Variants in GRB14 observed in about 807,000 individuals in gnomAD.
The protein encoded by GRB14 is growth factor receptor bound protein 14, also known as growth factor receptor-bound protein 14.
Under a neutral mutation model 69.1 loss-of-function variants are expected in GRB14, and 38 were observed. The observed-to-expected ratio is 0.55, with a 90% CI of 0.42 to 0.72. The LOEUF is 0.72. GRB14 is among the 30% of genes least tolerant of loss of function. GRB14 has a pLI of 0.00. For synonymous variants in GRB14, 247 were observed against 241.3 expected (o/e 1.02, Z -0.22); for missense variants, 666 against 666.1 (o/e 1.00, Z 0.00).
At chr2:164,514,695 G>A (rs1207824814) in intron 6 of GRB14, among the ~76,000 whole-genome samples, 3 of 152,100 alleles carry the variant, frequency 2.0e-5, no homozygotes, top group African/African-American at 7.2e-5. Context: ...TTCCTAGACA[G>A]AACCTGGGGG....
At chr2:164,536,353 G>A (rs1200306784) in intron 3 of GRB14, among the ~76,000 whole-genome samples, 1 of 152,016 alleles carries the variant, frequency 6.6e-6, no homozygotes, top group Non-Finnish European at 1.5e-5. Flanking sequence ...GTCCAACTTG[G>A]GGCTTCAGAA....
intron 6 of GRB14, among the ~76,000 whole-genome samples, chr2:164,511,512 G>T (rs1559027046): frequency 6.6e-6 from 1 of 152,154 alleles, no homozygotes; most frequent in African/African-American, 2.4e-5. Context: ...TGAGCCAGAA[G>T]GGAACCCACT....
chr2:164,500,504 G>C (rs891379602), intron 9 of GRB14, among the ~76,000 whole-genome samples: 1 of 152,124 alleles, frequency 6.6e-6, no homozygotes, highest in Non-Finnish European at 1.5e-5. Context: ...GGCTGGTAAA[G>C]AGTACTGGCA....
intron 9 of GRB14, among the ~76,000 whole-genome samples, chr2:164,499,536 G>A (rs1297773294): frequency 1.3e-5 from 2 of 152,106 alleles, no homozygotes; most frequent in African/African-American, 4.8e-5. Flanking sequence ...ATAACATTCA[G>A]AATTGGTTAT....
chr2:164,545,683 G>A (rs1688355770), intron 3 of GRB14, among the ~76,000 whole-genome samples: 1 of 152,160 alleles, frequency 6.6e-6, no homozygotes, highest in Admixed American at 6.6e-5. Flanking sequence ...GCAACCACAG[G>A]AAACTAATAA....
intron 1 of GRB14, chr2:164,620,025 T>G: frequency 3.3e-6 from 1 of 301,398 alleles, no homozygotes; most frequent in Non-Finnish European, 6.0e-6. Flanking sequence ...TCTCCTATAG[T>G]TCCTCTCTTT....
At chr2:164,527,806 A>C (rs1687820658) in intron 3 of GRB14, among the ~76,000 whole-genome samples, 1 of 152,060 alleles carries the variant, frequency 6.6e-6, no homozygotes, top group Non-Finnish European at 1.5e-5. Flanking sequence ...CAGAAAAGGC[A>C]CTTAAATGAA....
At chr2:164,507,524 A>G (rs1687223168) in intron 8 of GRB14, among the ~76,000 whole-genome samples, 1 of 152,228 alleles carries the variant, frequency 6.6e-6, no homozygotes, top group Admixed American at 6.5e-5. Flanking sequence ...TTGGCAAATT[A>G]TATTAGTGCC....
chr2:164,607,214 A>G (rs1205532751), intron 2 of GRB14, among the ~76,000 whole-genome samples: 2 of 152,214 alleles, frequency 1.3e-5, no homozygotes. Context: ...TTAAAATATC[A>G]GTACGTTTCC....
At chr2:164,606,830 C>A (rs1220858556) in intron 2 of GRB14, among the ~76,000 whole-genome samples, 3 of 152,160 alleles carry the variant, frequency 2.0e-5, no homozygotes, top group African/African-American at 7.2e-5. Context: ...ACCAAAGTAG[C>A]CCTTTCATCT....
At chr2:164,502,107 A>G (rs1019556554) in intron 9 of GRB14, 148 bp downstream of exon 9, 1 of 434,716 alleles carries the variant, frequency 2.3e-6, no homozygotes, top group South Asian at 6.8e-5. Flanking sequence ...AAAAAATTCA[A>G]TGTAACATTA....
chr2:164,619,478 G>A (rs996257094), intron 2 of GRB14, among the ~76,000 whole-genome samples: 7 of 152,184 alleles, frequency 4.6e-5, no homozygotes, highest in East Asian at 1.9e-4. Context: ...CAAGACCCTC[G>A]GAGGTAGGTT....
In GRB14 at chr2:164,508,789, C is replaced by G; in HGVS notation, c.880G>C (p.Gly294Arg). The part of the protein sequence containing the change: ...GNSDIYVSLA[G>R]KKKHGAPTNY... ...GTCGGTGCTCCATGTTTTTTTTTGCCTGCCAGTGACACATAAATATCACTA... is the reference window on the plus strand; with the variant it reads ...GTCGGTGCTCCATGTTTTTTTTTGCGTGCCAGTGACACATAAATATCACTA... Residue 294 changes from glycine to arginine, a missense_variant, in exon 7 of 14, where the codon GGC (glycine) becomes CGC (arginine). Coordinates refer to ENST00000263915, the MANE Select transcript of GRB14 (RefSeq NM_004490.3). 2 of 1,586,674 alleles carry G rather than the reference C, an allele frequency of 1.3e-6. No individual in the cohort carries two copies. Among genetic ancestry groups the G allele is most frequent in the Non-Finnish European group, 1.7e-6 (2 of 1,171,362 alleles).
chr2:164,615,354 G>A (rs965153761), intron 2 of GRB14, among the ~76,000 whole-genome samples: 3 of 152,076 alleles, frequency 2.0e-5, no homozygotes, highest in Non-Finnish European at 2.9e-5. Flanking sequence ...AAGAAAAAAC[G>A]TAGTTACATT....
intron 2 of GRB14, among the ~76,000 whole-genome samples, chr2:164,571,991 T>C (rs1689134922): frequency 6.6e-6 from 1 of 152,210 alleles, no homozygotes; most frequent in Non-Finnish European, 1.5e-5. Flanking sequence ...TTTATAAATA[T>C]GTATTGAAGA....
chr2:164,544,290 T>C (rs1329989437), intron 3 of GRB14, among the ~76,000 whole-genome samples: 1 of 152,154 alleles, frequency 6.6e-6, no homozygotes, highest in Non-Finnish European at 1.5e-5. Context: ...TTTTATTCCT[T>C]AATACAAATA....
intron 6 of GRB14, among the ~76,000 whole-genome samples, chr2:164,513,684 G>A (rs1687400265): frequency 6.6e-6 from 1 of 152,172 alleles, no homozygotes; most frequent in African/African-American, 2.4e-5. Flanking sequence ...GCAAGATTTA[G>A]CAGACTATAT....
At chr2:164,552,968 T>C (rs1307131841) in intron 2 of GRB14, among the ~76,000 whole-genome samples, 1 of 152,160 alleles carries the variant, frequency 6.6e-6, no homozygotes, top group Non-Finnish European at 1.5e-5. Flanking sequence ...AACATCACTG[T>C]TTCTGTTCCC....
chr2:164,575,247 A>G (rs1689225468), intron 2 of GRB14, among the ~76,000 whole-genome samples: 1 of 152,358 alleles, frequency 6.6e-6, no homozygotes, highest in South Asian at 2.1e-4. Context: ...AAGGCAACGG[A>G]CAATGTTCAA....
Sources: allele counts gnomAD v4.1 joint callset (sites outside exome capture counted in the v4.1 genomes callset), GRCh38; gene constraint gnomAD v4.1.1; transcripts MANE v1.5; gene names NCBI Gene and HGNC (gene_info 2026-07-23, HGNC 2026-07-21).